Variants in CAB39L observed in about 807,000 individuals in gnomAD.
CAB39L encodes the protein calcium binding protein 39 like, also known as calcium-binding protein 39-like.
A neutral mutation model predicts 39.1 loss-of-function variants in CAB39L; 23 were observed. The observed-to-expected ratio is 0.59, with a 90% CI of 0.42 to 0.83. The LOEUF (loss-of-function observed/expected upper bound fraction) is 0.83. Ranked by LOEUF, CAB39L falls within the 40% of genes least tolerant of loss-of-function variation. CAB39L has a pLI of 0.00. For synonymous variants in CAB39L, 126 were observed against 137.2 expected, an observed-to-expected ratio of 0.92 and a Z score of 0.57; for missense variants, 366 against 391.9, an observed-to-expected ratio of 0.93 and a Z score of 0.56.
In CAB39L at chr13:49,414,159, C is replaced by A. The variant is rs186967101; in HGVS notation, c.-32+19159G>T. The A allele has an allele frequency of 5.9e-5, 9 of 152,356 alleles. No individual in the cohort carries two copies. The East Asian group carries it at 1.3e-3, about 23-fold the overall frequency. 9.4% of individuals were successfully genotyped at this position (152,356 alleles called of 1,614,324 possible). On this transcript the variant is annotated intron_variant, in intron 3 of 10. Transcript: ENST00000409308. ...ATGCTTACTAAAAGATTAACAATTT[C>A]TCCATTGGGATAGAGTCAAAACTGC... is the stretch of plus-strand genomic sequence containing the variant.
chr13:49,356,338 T>C (rs958415519), intron 6 of CAB39L, among the ~76,000 whole-genome samples: 1 of 152,204 alleles, frequency 6.6e-6, no homozygotes, highest in Non-Finnish European at 1.5e-5. Context: ...TTCTGGAACA[T>C]AGTCCACTGG....
intron 3 of CAB39L, among the ~76,000 whole-genome samples, chr13:49,416,881 T>C (rs1954836912): frequency 6.6e-6 from 1 of 152,190 alleles, no homozygotes; most frequent in Non-Finnish European, 1.5e-5. Flanking sequence ...TTAGGTAAGA[T>C]GTAAGAGAAG....
intron 3 of CAB39L, among the ~76,000 whole-genome samples, chr13:49,407,764 T>C (rs1003268345): frequency 6.6e-6 from 1 of 151,330 alleles, no homozygotes; most frequent in Admixed American, 6.6e-5. Context: ...CAGTGGCTCA[T>C]GTCTGTATTC....
chr13:49,392,651 AAAAAC>A (rs1196518618), intron 3 of CAB39L, among the ~76,000 whole-genome samples: 1 of 152,132 alleles, frequency 6.6e-6, no homozygotes, highest in Non-Finnish European at 1.5e-5. Flanking sequence ...CAAAAAAAAC[AAAAAC>A]AAAACAAAAC....
Position 49,309,249 on chromosome 13 carries a change from G to A in CAB39L, c.*1565C>T, listed in dbSNP as rs890950290. 1 of 152,252 alleles carries A rather than the reference G, an allele frequency of 6.6e-6. No homozygotes were observed. Among genetic ancestry groups the A allele is most frequent in the African/African-American group, 2.4e-5 (1 of 41,466 alleles). 9.4% of individuals were successfully genotyped at this position (152,252 alleles called of 1,614,324 possible). ...GGGAGGCCACAGCTGCCAAAGCGGG[G>A]AGGTGCGCCAGGCCCCACATCACCT... On this transcript the variant is annotated 3_prime_UTR_variant, in exon 11 of 11. Transcript: ENST00000409308.
chr13:49,391,947 TCACACACACACACA>T (rs60571092), intron 3 of CAB39L, among the ~76,000 whole-genome samples: 1 of 149,190 alleles, frequency 6.7e-6, no homozygotes, highest in Admixed American at 6.7e-5. Context: ...CAAATTGGGT[TCACACACACACACA>T]CACACACACA....
At chr13:49,428,772 G>A (rs1957278209) in intron 3 of CAB39L, among the ~76,000 whole-genome samples, 1 of 152,176 alleles carries the variant, frequency 6.6e-6, no homozygotes, top group Admixed American at 6.5e-5. Flanking sequence ...AAATAAGTAT[G>A]TGGCATTTTT....
intron 6 of CAB39L, among the ~76,000 whole-genome samples, chr13:49,356,530 T>C (rs1955490281): frequency 6.6e-6 from 1 of 152,240 alleles, no homozygotes; most frequent in South Asian, 2.1e-4. Context: ...TAATACCACA[T>C]ATCCAGATAA....
At chr13:49,416,945 T>C (rs1464114467) in intron 3 of CAB39L, among the ~76,000 whole-genome samples, 2 of 152,174 alleles carry the variant, frequency 1.3e-5, no homozygotes, top group African/African-American at 4.8e-5. Flanking sequence ...AAAAGAAAAC[T>C]GATAATCTCA....
At chr13:49,426,572 G>A (rs949296112) in intron 3 of CAB39L, among the ~76,000 whole-genome samples, 4 of 152,042 alleles carry the variant, frequency 2.6e-5, no homozygotes, top group African/African-American at 4.8e-5. Flanking sequence ...GACTACAGGC[G>A]CCTGCCACCA....
At chr13:49,332,960 T>C (rs1954753313) in intron 9 of CAB39L, among the ~76,000 whole-genome samples, 1 of 152,054 alleles carries the variant, frequency 6.6e-6, no homozygotes. Flanking sequence ...GAGTAACACA[T>C]CATTACATGG....
intron 1 of CAB39L, 100 bp downstream of exon 1, chr13:49,443,886 T>C: frequency 4.4e-6 from 2 of 456,240 alleles, no homozygotes; most frequent in South Asian, 3.1e-5. Flanking sequence ...TACCCCATTG[T>C]TCTCTCCGGA....
At chr13:49,428,856 AAAGTT>A (rs1957279742) in intron 3 of CAB39L, among the ~76,000 whole-genome samples, 1 of 152,138 alleles carries the variant, frequency 6.6e-6, no homozygotes. Context: ...GTCTACCACA[AAAGTT>A]AAGTAAAAAG....
chr13:49,351,543 G>T (rs1264429585), intron 6 of CAB39L, among the ~76,000 whole-genome samples: 1 of 152,168 alleles, frequency 6.6e-6, no homozygotes, highest in Non-Finnish European at 1.5e-5. Flanking sequence ...AAGGTAAGCA[G>T]TTGGTTTTAT....
rs529943809 is a variant in CAB39L at position 49,416,888 on chromosome 13, G to C, written c.-32+16430C>G. Among the ~76,000 whole-genome samples, 4 of 152,298 alleles carry C rather than the reference G, an allele frequency of 2.6e-5. No homozygotes were observed. The South Asian group carries it at 8.3e-4, about 32-fold the overall frequency. ...ACTGAGAATTAGGTAAGATGTAAGAGAAGGTCAAGAGGTCCTACGTATCCT... is the reference window on the plus strand; with the variant it reads ...ACTGAGAATTAGGTAAGATGTAAGACAAGGTCAAGAGGTCCTACGTATCCT... On this transcript the variant is annotated intron_variant, in intron 3 of 10. Coordinates refer to ENST00000409308, the MANE Select transcript of CAB39L (RefSeq NM_001079670.3).
At chr13:49,391,711 T>C (rs946440984) in intron 3 of CAB39L, among the ~76,000 whole-genome samples, 28 of 152,018 alleles carry the variant, frequency 1.8e-4, no homozygotes, top group Admixed American at 2.0e-4. Context: ...AAACATTTAA[T>C]GATGAATATT....
chr13:49,334,122 G>A (rs1424797842), intron 9 of CAB39L, among the ~76,000 whole-genome samples: 1 of 152,092 alleles, frequency 6.6e-6, no homozygotes, highest in Non-Finnish European at 1.5e-5. Flanking sequence ...TTCATTCAAT[G>A]TTCACAGCCA....
intron 3 of CAB39L, among the ~76,000 whole-genome samples, chr13:49,397,468 T>C (rs918338942): frequency 2.6e-5 from 4 of 152,136 alleles, no homozygotes; most frequent in Admixed American, 6.5e-5. Context: ...GAGAAACTCA[T>C]GTCCCTTGTT....
intron 3 of CAB39L, among the ~76,000 whole-genome samples, chr13:49,427,221 T>C (rs537793389): frequency 1.3e-5 from 2 of 152,272 alleles, no homozygotes; most frequent in East Asian, 3.9e-4. Context: ...TTTCCTCCAG[T>C]TTCTAAAAAG....
Sources: allele counts gnomAD v4.1 joint callset (sites outside exome capture counted in the v4.1 genomes callset), GRCh38; gene constraint gnomAD v4.1.1; transcripts MANE v1.5; gene names NCBI Gene and HGNC (gene_info 2026-07-23, HGNC 2026-07-21).